The following NPFFR1 variants were observed in gnomAD, a reference collection of about 807,000 sequenced individuals.
NPFFR1 encodes neuropeptide FF receptor 1, also known as G-protein coupled receptor 147.
NPFFR1 carries 17 observed loss-of-function variants against 12.7 expected under a neutral mutation model. The observed-to-expected ratio is 1.34, with a 90% confidence interval of 0.92 to 2.01. The LOEUF is 2.01. NPFFR1 is among the 30% of genes most tolerant of loss of function. NPFFR1 has a pLI of 0.00. For synonymous variants in NPFFR1, 296 were observed against 264.5 expected (o/e 1.12, Z -1.16); for missense variants, 604 against 606.5 (o/e 1.00, Z 0.04).
intron 3 of NPFFR1, among the ~76,000 whole-genome samples, chr10:70,257,548 A>G (rs550862611): frequency 2.5e-3 from 377 of 152,372 alleles, no homozygotes; most frequent in Middle Eastern, 3.4e-3. Context: ...CCTTGAAAGC[A>G]GGGTATTGTC....
intron 2 of NPFFR1, among the ~76,000 whole-genome samples, chr10:70,263,581 C>T (rs1159400300): frequency 6.6e-6 from 1 of 152,070 alleles, no homozygotes; most frequent in Non-Finnish European, 1.5e-5. Context: ...CCATTCACAG[C>T]ACATTTTCTG....
In NPFFR1 at chr10:70,255,888, G is replaced by C. The variant is rs1840566928; in HGVS notation, c.423-61C>G. 4 of 1,513,172 alleles carry C rather than the reference G, an allele frequency of 2.6e-6. No homozygotes were observed. Among genetic ancestry groups the C allele is most frequent in the Non-Finnish European group, 3.6e-6 (4 of 1,123,214 alleles). 93.7% of individuals were successfully genotyped at this position (1,513,172 alleles called of 1,614,324 possible). A position where few individuals can be genotyped will look rare whatever the true frequency, so the allele number is the denominator to read the frequency against. On this transcript the variant is annotated intron_variant, in intron 3 of 3. Coordinates refer to ENST00000277942, the MANE Select transcript of NPFFR1 (RefSeq NM_022146.5). The surrounding 1 kb of genome is among the most constrained non-coding windows in gnomAD (Gnocchi z 4.2). ...GGTCCTAGGGCCCCTGCGAGGGGACGGTGGGTGGGATGCGGGCACCTGACC... is the reference window on the plus strand; with the variant it reads ...GGTCCTAGGGCCCCTGCGAGGGGACCGTGGGTGGGATGCGGGCACCTGACC...
At chr10:70,274,145 G>A (rs1297995790) in intron 1 of NPFFR1, among the ~76,000 whole-genome samples, 1 of 152,178 alleles carries the variant, frequency 6.6e-6, no homozygotes, top group African/African-American at 2.4e-5. Flanking sequence ...GGTGGTCACT[G>A]ACTGCATATA....
intron 1 of NPFFR1, among the ~76,000 whole-genome samples, chr10:70,275,411 AG>A (rs1189757001): frequency 6.6e-6 from 1 of 152,112 alleles, no homozygotes; most frequent in East Asian, 1.9e-4. Context: ...GTGGGAGAGG[AG>A]GGGAAAGTAA....
chr10:70,270,896 C>A (rs1267476762), intron 1 of NPFFR1, among the ~76,000 whole-genome samples: 1 of 152,064 alleles, frequency 6.6e-6, no homozygotes, highest in Admixed American at 6.6e-5. Flanking sequence ...TCCAGGGTAC[C>A]CAAGAGAGAT....
rs1840567149 is a variant in NPFFR1, at chr10:70,255,897, G to A, written c.423-70C>T. On this transcript the variant is annotated intron_variant, in intron 3 of 3. Transcript: ENST00000277942. The surrounding 1 kb of genome is among the most constrained non-coding windows in gnomAD (Gnocchi z 4.2). ...GCCCCTGCGAGGGGACGGTGGGTGG[G>A]ATGCGGGCACCTGACCTTCATCATC... 2.0e-6 allele frequency: 3 copies of A among 1,484,672 alleles called. No homozygotes were observed. Among genetic ancestry groups the A allele is most frequent in the East Asian group, 4.9e-5 (2 of 40,776 alleles). 92.0% of individuals were successfully genotyped at this position (1,484,672 alleles called of 1,614,324 possible).
At position 70,260,728 on chromosome 10, in the gene NPFFR1, C is replaced by T. The variant is rs866841512; in HGVS notation, c.334G>A (p.Asp112Asn). The T allele has an allele frequency of 1.7e-5, 28 of 1,600,302 alleles. No individual in the cohort carries two copies. Among genetic ancestry groups the T allele is most frequent in the East Asian group, 4.5e-5 (2 of 44,250 alleles). Residue 112 changes from aspartate to asparagine, a missense_variant, in exon 3 of 4, where the codon GAC becomes AAC. Asp to Asn is a conservative substitution (Grantham distance 23). Coordinates refer to ENST00000277942, the MANE Select transcript of NPFFR1 (RefSeq NM_022146.5). ...VDNLITGWPF[D>N]NATCKMSGLV... ...CCGCTCATCTTGCATGTGGCATTGT[C>T]GAAGGGCCACCCTGCAATGACAGAG... is the stretch of plus-strand genomic sequence containing the variant.
At chr10:70,267,206 G>C (rs1460251322) in intron 1 of NPFFR1, among the ~76,000 whole-genome samples, 1 of 152,158 alleles carries the variant, frequency 6.6e-6, no homozygotes, top group Admixed American at 6.5e-5. Flanking sequence ...GAATGAAGGG[G>C]AACTGTGAAC....
rs1433583663 is a variant in NPFFR1 at position 70,255,615 on chromosome 10, A to G, written c.635T>C (p.Met212Thr). 3.8e-6 allele frequency: 6 copies of G among 1,569,168 alleles called. No homozygotes were observed. In the South Asian group the frequency reaches 4.7e-5, roughly 12 times the overall value. The change falls in exon 4 of 4, where the codon ATG (methionine) becomes ACG (threonine). Residue 212 changes from methionine to threonine, a missense_variant. Met to Thr is a moderately conservative substitution (Grantham distance 81, BLOSUM62 -1). Coordinates refer to ENST00000277942, the MANE Select transcript of NPFFR1 (RefSeq NM_022146.5). The surrounding 1 kb of genome is among the most constrained non-coding windows in gnomAD (Gnocchi z 4.2). ...SCWEAWPEKG[M>T]RRVYTTVLFS... ...GAGCACAGTGGTGTAGACCCTGCGC[A>G]TGCCCTTCTCGGGCCAGGCCTCCCA...
chr10:70,266,711 CT>C (rs1840695403), intron 1 of NPFFR1, among the ~76,000 whole-genome samples: 2 of 152,232 alleles, frequency 1.3e-5, no homozygotes, highest in South Asian at 4.1e-4. Flanking sequence ...CCTCTAAGTT[CT>C]GCATTGCCCT....
intron 1 of NPFFR1, among the ~76,000 whole-genome samples, chr10:70,268,143 G>A (rs553178756): frequency 5.3e-5 from 8 of 152,056 alleles, no homozygotes; most frequent in Admixed American, 3.9e-4. Flanking sequence ...TTATCAACTC[G>A]AGGCCTGGAG....
chr10:70,269,194 T>C (rs1251165016), intron 1 of NPFFR1, among the ~76,000 whole-genome samples: 1 of 152,164 alleles, frequency 6.6e-6, no homozygotes, highest in African/African-American at 2.4e-5. Flanking sequence ...CCAGTGGCCT[T>C]TCTCTTTGTG....
chr10:70,257,991 T>C (rs951930357), intron 3 of NPFFR1, among the ~76,000 whole-genome samples: 4 of 152,190 alleles, frequency 2.6e-5, no homozygotes, highest in Non-Finnish European at 5.9e-5. Flanking sequence ...ATTATCACCC[T>C]GCCCTCCTAC....
At chr10:70,264,387 A>AAG (rs1840668177) in intron 2 of NPFFR1, among the ~76,000 whole-genome samples, 1 of 148,848 alleles carries the variant, frequency 6.7e-6, no homozygotes, top group African/African-American at 2.5e-5. Context: ...AAAAAAAAAA[A>AAG]AAAGAAAGAA....
rs762365626 is a variant in NPFFR1 at position 70,251,036 on chromosome 10, G to C, written c.*3921C>G. On this transcript the variant is annotated 3_prime_UTR_variant, in exon 4 of 4. Transcript: ENST00000277942. ...TGATTATGTAGAGCTTTTGTAGAGA[G>C]AGAGAAAAACAACAATAAAATGCCA... 1.3e-5 allele frequency: 2 copies of C among 152,168 alleles called. No individual in the cohort carries two copies. Among genetic ancestry groups the C allele is most frequent in the African/African-American group, 2.4e-5 (1 of 41,428 alleles). 9.4% of individuals were successfully genotyped at this position (152,168 alleles called of 1,614,324 possible).
At chr10:70,265,957 G>A (rs1840684686) in intron 2 of NPFFR1, 120 bp downstream of exon 2, 1 of 893,770 alleles carries the variant, frequency 1.1e-6, no homozygotes, top group Admixed American at 2.3e-5. Flanking sequence ...CGAGACCACG[G>A]CATGGCCAAG....
intron 1 of NPFFR1, among the ~76,000 whole-genome samples, chr10:70,273,962 C>T (rs751807933): frequency 3.9e-5 from 6 of 152,148 alleles, no homozygotes; most frequent in Non-Finnish European, 8.8e-5. Flanking sequence ...ACCATAGACC[C>T]CCAAGTTTCC....
At chr10:70,259,013 C>T (rs1056159262) in intron 3 of NPFFR1, among the ~76,000 whole-genome samples, 5 of 152,182 alleles carry the variant, frequency 3.3e-5, no homozygotes, top group African/African-American at 1.2e-4. Context: ...CTCAAGAAAG[C>T]TCCAGAGAAT....
intron 2 of NPFFR1, among the ~76,000 whole-genome samples, chr10:70,262,350 T>A (rs1382507897): frequency 6.6e-6 from 1 of 152,120 alleles, no homozygotes; most frequent in Non-Finnish European, 1.5e-5. Context: ...ACTGAAGGGG[T>A]GAAGAAGGAA....
Sources: gnomAD v4.1 joint callset for allele counts (sites outside exome capture counted in the v4.1 genomes callset) on GRCh38, gnomAD v4.1.1 for gene constraint, Gnocchi (gnomAD v3.1) non-coding constraint, MANE v1.5 for transcripts, NCBI Gene and HGNC (gene_info 2026-07-23, HGNC 2026-07-21) for gene names.